The following CSMD1 variants were observed in gnomAD, a reference collection of about 807,000 sequenced individuals.
CSMD1 encodes the protein CUB and Sushi multiple domains 1.
Under a neutral mutation model 417.5 loss-of-function variants are expected in CSMD1, and 213 were observed. The observed-to-expected ratio is 0.51, with a 90% CI of 0.46 to 0.57. The LOEUF (loss-of-function observed/expected upper bound fraction) is 0.57. Ranked by LOEUF, CSMD1 falls within the 20% of genes least tolerant of loss-of-function variation. The probability of loss-of-function intolerance (pLI) is 0.00; values close to 1 mark genes in which losing one functional copy is unlikely to be tolerated. For synonymous variants in CSMD1, 2,862 were observed against 1,736.8 expected (o/e 1.65, Z -16.11); for missense variants, 6,923 against 4,529.7 (o/e 1.53, Z -15.17).
chr8:4,687,572 C>T (rs1034170403), intron 1 of CSMD1, among the ~76,000 whole-genome samples: 15 of 152,090 alleles, frequency 9.9e-5, no homozygotes, highest in Non-Finnish European at 1.2e-4. Flanking sequence ...TTTATAGGAG[C>T]ATCACAAGAA....
At chr8:3,139,410 C>G (rs112702482) in intron 41 of CSMD1, among the ~76,000 whole-genome samples, 8 of 152,172 alleles carry the variant, frequency 5.3e-5, no homozygotes, top group African/African-American at 1.9e-4. Flanking sequence ...GCCCCTGAAG[C>G]CAAGGGAAAA....
At chr8:3,513,449 C>T (rs534378236) in intron 10 of CSMD1, among the ~76,000 whole-genome samples, 1 of 152,098 alleles carries the variant, frequency 6.6e-6, no homozygotes, top group Non-Finnish European at 1.5e-5. Context: ...ACTCAGCCTC[C>T]TGAATAGCTG....
At chr8:4,078,556 G>A (rs1239939152) in intron 3 of CSMD1, among the ~76,000 whole-genome samples, 2 of 151,376 alleles carry the variant, frequency 1.3e-5, no homozygotes, top group African/African-American at 4.9e-5. Context: ...GAGCCACTGC[G>A]CCCGGCTGAT....
chr8:4,878,286 T>G (rs559457273), intron 1 of CSMD1, among the ~76,000 whole-genome samples: 5 of 152,172 alleles, frequency 3.3e-5, no homozygotes, highest in Non-Finnish European at 5.9e-5. Flanking sequence ...CTTGACCAAC[T>G]TAACACAACG....
In CSMD1 at chr8:4,519,496, T is replaced by C. The variant is rs189404314; in HGVS notation, c.303-99431A>G. On this transcript the variant is annotated intron_variant, in intron 2 of 69. Coordinates refer to ENST00000635120, the MANE Select transcript of CSMD1 (RefSeq NM_033225.6). ...GGCTCACGCCTGTAACCCCAGCACT[T>C]TGGGAGGCCAAGCAGGGTGGATCAT... Among the ~76,000 whole-genome samples the C allele has an allele frequency of 1.2e-3, 176 of 151,760 alleles. 5 individuals carry two copies. In the East Asian group the frequency reaches 0.03, roughly 26 times the overall value.
chr8:3,153,006 G>T (rs976209257), intron 39 of CSMD1, among the ~76,000 whole-genome samples: 1 of 152,202 alleles, frequency 6.6e-6, no homozygotes, highest in Non-Finnish European at 1.5e-5. Context: ...ATAAAACAAG[G>T]CTGAAACGTA....
intron 1 of CSMD1, among the ~76,000 whole-genome samples, chr8:4,836,406 T>A (rs1386456510): frequency 6.6e-6 from 1 of 152,200 alleles, no homozygotes; most frequent in East Asian, 1.9e-4. Flanking sequence ...CAGCTGGGAT[T>A]GTTATCACCA....
chr8:3,558,559 G>A lies in CSMD1; in HGVS notation c.1344+16386C>T, dbSNP rs574497664. On this transcript the variant is annotated intron_variant, in intron 10 of 69. Coordinates refer to ENST00000635120, the MANE Select transcript of CSMD1 (RefSeq NM_033225.6). ...ATGAACGGTGTCTCAATGGTACCCC[G>A]TGTCCACTCCTGCAATGATGAATGG... Among the ~76,000 whole-genome samples, 324 of 122,314 alleles carry A rather than the reference G, an allele frequency of 2.6e-3. 4 individuals carry two copies. In the Middle Eastern group the frequency reaches 0.037, roughly 14 times the overall value. 80.2% of individuals were successfully genotyped at this position (122,314 alleles called of 152,430 possible).
chr8:3,710,898 G>C (rs116671434), intron 6 of CSMD1, among the ~76,000 whole-genome samples: 3 of 152,130 alleles, frequency 2.0e-5, no homozygotes, highest in Non-Finnish European at 2.9e-5. Context: ...GGAGCATGGA[G>C]ACAGGAGGGC....
chr8:4,001,462 G>C (rs900616181), intron 4 of CSMD1, among the ~76,000 whole-genome samples: 3 of 152,138 alleles, frequency 2.0e-5, no homozygotes, highest in Non-Finnish European at 2.9e-5. Context: ...TGGTAAAAGA[G>C]GGTTCTTTTT....
chr8:3,476,982 C>A (rs1200180144), intron 11 of CSMD1, among the ~76,000 whole-genome samples: 1 of 150,898 alleles, frequency 6.6e-6, no homozygotes, highest in African/African-American at 2.4e-5. Context: ...CCTGTCAACA[C>A]AAAGGGATAC....
chr8:4,965,255 A>T (rs1190105865), intron 1 of CSMD1, among the ~76,000 whole-genome samples: 1 of 152,212 alleles, frequency 6.6e-6, no homozygotes, highest in Non-Finnish European at 1.5e-5. Flanking sequence ...GTTCCCATTG[A>T]TAACAATTAG....
chr8:3,673,335 C>G (rs181248140), intron 7 of CSMD1, among the ~76,000 whole-genome samples: 1 of 152,166 alleles, frequency 6.6e-6, no homozygotes, highest in Admixed American at 6.5e-5. Flanking sequence ...TCAGCAAGTA[C>G]TGAACAAAAG....
intron 12 of CSMD1, among the ~76,000 whole-genome samples, chr8:3,421,110 T>A (rs756569507): frequency 2.0e-5 from 3 of 152,202 alleles, no homozygotes; most frequent in Non-Finnish European, 4.4e-5. Flanking sequence ...TCATTTTCAG[T>A]ATGAAAAAAT....
At chr8:4,822,266 T>C (rs1467789099) in intron 1 of CSMD1, among the ~76,000 whole-genome samples, 5 of 152,170 alleles carry the variant, frequency 3.3e-5, no homozygotes, top group Non-Finnish European at 7.3e-5. Context: ...AGGATCCGAT[T>C]ATGGGTCTTG....
chr8:3,944,924 C>A (rs890765292), intron 5 of CSMD1, among the ~76,000 whole-genome samples: 4 of 152,122 alleles, frequency 2.6e-5, no homozygotes, highest in African/African-American at 9.7e-5. Flanking sequence ...TGAACGCTGT[C>A]TCTCACTTTG....
intron 7 of CSMD1, among the ~76,000 whole-genome samples, chr8:3,638,536 G>C (rs945099434): frequency 6.6e-6 from 1 of 152,104 alleles, no homozygotes; most frequent in Non-Finnish European, 1.5e-5. Flanking sequence ...TTCAGGAGTA[G>C]CAGAGATTAC....
chr8:4,906,736 T>C (rs1261687219), intron 1 of CSMD1, among the ~76,000 whole-genome samples: 1 of 152,156 alleles, frequency 6.6e-6, no homozygotes, highest in Non-Finnish European at 1.5e-5. Flanking sequence ...TTTGTATTTT[T>C]TTTAGTAGAG....
At chr8:3,279,294 T>G (rs1802552683) in intron 26 of CSMD1, 1 of 152,220 alleles carries the variant, frequency 6.6e-6, no homozygotes, top group Admixed American at 6.5e-5. Flanking sequence ...CCACACTGAA[T>G]CATCCAGCAA....
Sources: allele counts gnomAD v4.1 joint callset (sites outside exome capture counted in the v4.1 genomes callset), GRCh38; gene constraint gnomAD v4.1.1; transcripts MANE v1.5; gene names NCBI Gene and HGNC (gene_info 2026-07-23, HGNC 2026-07-21).